The following AFF3 variants were observed in gnomAD, a reference collection of about 807,000 sequenced individuals.
AFF3 encodes AF4/FMR2 family member 3.
In AFF3, 32 loss-of-function variants were observed where a neutral mutation model predicts 129.7. The ratio of observed to expected loss-of-function variants is 0.25; its 90% CI spans 0.19 to 0.33. AFF3 has a LOEUF of 0.33. AFF3 is among the 10% of genes least tolerant of loss of function. The pLI is 1.00. For synonymous variants in AFF3, 644 were observed against 635.4 expected, an observed-to-expected ratio of 1.01 and a Z score of -0.20; for missense variants, 1,373 against 1,592.0, an observed-to-expected ratio of 0.86 and a Z score of 2.34.
chr2:99,576,385 A>G (rs1005638905), intron 18 of AFF3, among the ~76,000 whole-genome samples: 1 of 151,776 alleles, frequency 6.6e-6, no homozygotes, highest in African/African-American at 2.4e-5. Context: ...GTGTGGTAGC[A>G]TGCATCTGTA....
Position 99,680,320 on chromosome 2 carries a change from A to G in AFF3, c.1092-7731T>C, listed in dbSNP as rs150294108. On this transcript the variant is annotated intron_variant, in intron 11 of 24. Coordinates refer to ENST00000672756, the MANE Select transcript of AFF3 (RefSeq NM_001386135.1). ...AATCCTGTCTTTGTCTGTTTTAAGG[A>G]CTTCTAGAAAATTAGTTTCTGAGCT... Among the ~76,000 whole-genome samples, 263 of 152,280 alleles carry G rather than the reference A, an allele frequency of 1.7e-3. 2 individuals carry two copies. The highest frequency in any genetic ancestry group is 6.1e-3 in the African/African-American group (253 of 41,552).
chr2:99,911,330 G>T (rs1695098088), intron 7 of AFF3, among the ~76,000 whole-genome samples: 3 of 152,000 alleles, frequency 2.0e-5, no homozygotes, highest in African/African-American at 7.3e-5. Context: ...GGAGGTTGCA[G>T]TGGGCCGAGA....
intron 12 of AFF3, among the ~76,000 whole-genome samples, chr2:99,652,923 G>A (rs942666025): frequency 6.6e-6 from 1 of 152,186 alleles, no homozygotes; most frequent in Non-Finnish European, 1.5e-5. Flanking sequence ...TGAGGGAGCA[G>A]CGAGAGGCAG....
At chr2:99,826,138 C>T (rs1350726589) in intron 8 of AFF3, among the ~76,000 whole-genome samples, 1 of 152,098 alleles carries the variant, frequency 6.6e-6, no homozygotes, top group African/African-American at 2.4e-5. Context: ...CCTCAGCCTC[C>T]TGAGTAGCTG....
At chr2:99,775,468 T>C (rs1052950869) in intron 8 of AFF3, among the ~76,000 whole-genome samples, 14 of 152,030 alleles carry the variant, frequency 9.2e-5, no homozygotes, top group African/African-American at 3.4e-4. Flanking sequence ...GAAAACCAAA[T>C]ACTGCATGTT....
At chr2:99,797,739 A>G (rs993767386) in intron 8 of AFF3, among the ~76,000 whole-genome samples, 8 of 152,190 alleles carry the variant, frequency 5.3e-5, no homozygotes, top group African/African-American at 1.9e-4. Context: ...CAATGCAAGT[A>G]AGAAGACAGT....
At position 100,008,838 on chromosome 2, in the gene AFF3, A is replaced by C. The variant is rs777021579; in HGVS notation, c.148T>G (p.Tyr50Asp). 1 of 1,614,094 alleles carries C rather than the reference A, an allele frequency of 6.2e-7. No homozygotes were observed. Among genetic ancestry groups the C allele is most frequent in the Non-Finnish European group, 8.5e-7 (1 of 1,179,962 alleles). Residue 50 changes from tyrosine (Y) to aspartate (D), a missense_variant, in exon 5 of 25, where the codon TAC (tyrosine) becomes GAC (aspartate). Tyr to Asp is a radical substitution (Grantham distance 160). Coordinates refer to ENST00000672756, the MANE Select transcript of AFF3 (RefSeq NM_001386135.1). ...TTGTAGGGCTCACTGAAGAGAGAGT[A>C]ACTAGAATTAAACGTGCCATCATCC... is the stretch of plus-strand genomic sequence containing the variant. Reference protein sequence around the residue: ...QQDDGTFNSSYSLFSEPYKTN... With the variant: ...QQDDGTFNSSDSLFSEPYKTN...
At chr2:99,715,176 C>G (rs1678265717) in intron 11 of AFF3, among the ~76,000 whole-genome samples, 1 of 152,222 alleles carries the variant, frequency 6.6e-6, no homozygotes, top group Non-Finnish European at 1.5e-5. Flanking sequence ...GCTGGCATCT[C>G]TGGAGTAGAC....
At chr2:99,934,768 G>C (rs977268950) in intron 7 of AFF3, among the ~76,000 whole-genome samples, 1 of 152,146 alleles carries the variant, frequency 6.6e-6, no homozygotes, top group African/African-American at 2.4e-5. Flanking sequence ...CTCTGTCGGG[G>C]AGAAGAATGG....
intron 7 of AFF3, among the ~76,000 whole-genome samples, chr2:99,867,596 T>G (rs1279272470): frequency 8.0e-6 from 1 of 125,414 alleles, no homozygotes; most frequent in Admixed American, 7.8e-5. Flanking sequence ...AAAAAAAACA[T>G]AGCTGGCAGC....
chr2:99,701,044 A>G (rs748352132), intron 11 of AFF3, among the ~76,000 whole-genome samples: 1 of 152,238 alleles, frequency 6.6e-6, no homozygotes, highest in Admixed American at 6.5e-5. Context: ...CAGCATGTCC[A>G]GGACCAGAGT....
chr2:99,923,662 T>C (rs1696022694), intron 7 of AFF3, among the ~76,000 whole-genome samples: 1 of 152,156 alleles, frequency 6.6e-6, no homozygotes, highest in Non-Finnish European at 1.5e-5. Context: ...AACATATTGT[T>C]CGTTCTTTTC....
chr2:99,861,820 A>G (rs1691020774), intron 7 of AFF3, among the ~76,000 whole-genome samples: 4 of 152,118 alleles, frequency 2.6e-5, no homozygotes, highest in Admixed American at 2.6e-4. Context: ...CCCCTTCACC[A>G]TCCTAATTGG....
At chr2:99,616,247 C>T (rs60894474) in intron 13 of AFF3, among the ~76,000 whole-genome samples, 15 of 152,172 alleles carry the variant, frequency 9.9e-5, no homozygotes, top group Admixed American at 8.5e-4. Flanking sequence ...ATTTTCAGTT[C>T]GAGGAGGCCT....
At chr2:99,951,146 CAA>C (rs1327701988) in intron 7 of AFF3, among the ~76,000 whole-genome samples, 2 of 152,124 alleles carry the variant, frequency 1.3e-5, no homozygotes, top group African/African-American at 2.4e-5. Context: ...AAGAATGAAT[CAA>C]GTCATAATTA....
intron 7 of AFF3, among the ~76,000 whole-genome samples, chr2:99,977,244 G>A (rs1678985324): frequency 1.3e-5 from 2 of 152,194 alleles, no homozygotes; most frequent in South Asian, 4.1e-4. Context: ...TAGAATGCCA[G>A]CCCAGGACAT....
intron 12 of AFF3, among the ~76,000 whole-genome samples, chr2:99,650,766 G>A (rs866366457): frequency 6.8e-6 from 1 of 147,220 alleles, no homozygotes; most frequent in Admixed American, 6.8e-5. Flanking sequence ...GTATTGATTT[G>A]TTTTTTGTTT....
chr2:99,599,497 T>C (rs1301545531), intron 14 of AFF3, among the ~76,000 whole-genome samples: 1 of 152,110 alleles, frequency 6.6e-6, no homozygotes, highest in Non-Finnish European at 1.5e-5. Flanking sequence ...GACCTCATGA[T>C]CCACCTGTTC....
At chr2:99,582,500 C>T (rs116517263) in intron 17 of AFF3, among the ~76,000 whole-genome samples, 4 of 152,194 alleles carry the variant, frequency 2.6e-5, no homozygotes, top group Non-Finnish European at 4.4e-5. Flanking sequence ...GGTTCAAACT[C>T]CTAATTTACT....
Sources: allele counts gnomAD v4.1 joint callset (sites outside exome capture counted in the v4.1 genomes callset), GRCh38; gene constraint gnomAD v4.1.1; transcripts MANE v1.5; gene names NCBI Gene and HGNC (gene_info 2026-07-23, HGNC 2026-07-21).